PRKN: variants seen among roughly 807,000 people sequenced by gnomAD.
The protein encoded by PRKN is parkin RBR E3 ubiquitin protein ligase.
PRKN carries 56 observed loss-of-function variants against 59.5 expected under a neutral mutation model. The ratio of observed to expected loss-of-function variants is 0.94; its 90% CI spans 0.76 to 1.18. The LOEUF is 1.18. Ranked by LOEUF, PRKN falls within the 50% of genes most tolerant of loss-of-function variation. The pLI, the probability that PRKN is intolerant of heterozygous loss-of-function variation, is 0.00. For synonymous variants in PRKN, 250 were observed against 222.1 expected (o/e 1.13, Z -1.12); for missense variants, 657 against 596.4 (o/e 1.10, Z -1.06).
chr6:161,564,906 G>T (rs772643357), intron 8 of PRKN, among the ~76,000 whole-genome samples: 1 of 152,162 alleles, frequency 6.6e-6, no homozygotes, highest in East Asian at 1.9e-4. Flanking sequence ...CTCTGACCTC[G>T]TCGGTGCTGA....
rs1194992555 is a variant in PRKN at position 161,546,968 on chromosome 6, T to C, written c.1083+1886A>G. Among the ~76,000 whole-genome samples, 1 of 152,136 alleles carries C rather than the reference T, an allele frequency of 6.6e-6. No homozygotes were observed. The highest frequency in any genetic ancestry group is 2.4e-5 in the African/African-American group (1 of 41,424). ...GAATGAGCTACCTTGGAAGTAGATC[T>C]TCCAGCCCCAGTTAAGCCTCCAGAT... On this transcript the variant is annotated intron_variant, in intron 9 of 11. Coordinates refer to ENST00000366898, the MANE Select transcript of PRKN (RefSeq NM_004562.3). This position sits in a 1 kb window ranked among gnomAD's most constrained non-coding sequence, Gnocchi z 4.4.
intron 7 of PRKN, among the ~76,000 whole-genome samples, chr6:161,604,390 T>C (rs1782204634): frequency 6.6e-6 from 1 of 152,200 alleles, no homozygotes; most frequent in Non-Finnish European, 1.5e-5. Flanking sequence ...GATGGCATTC[T>C]TTACACAACA....
intron 2 of PRKN, among the ~76,000 whole-genome samples, chr6:162,399,612 CT>C (rs1283817481): frequency 6.6e-6 from 1 of 151,854 alleles, no homozygotes; most frequent in Non-Finnish European, 1.5e-5. Flanking sequence ...TATTTATAGA[CT>C]AAGAAATCTC....
At chr6:162,433,995 T>G (rs1789656767) in intron 2 of PRKN, among the ~76,000 whole-genome samples, 1 of 152,150 alleles carries the variant, frequency 6.6e-6, no homozygotes, top group Admixed American at 6.5e-5. Flanking sequence ...ATATTAAATC[T>G]TATCTGAGTG....
At chr6:162,492,812 G>A (rs566784078) in intron 1 of PRKN, among the ~76,000 whole-genome samples, 2 of 152,202 alleles carry the variant, frequency 1.3e-5, no homozygotes, top group South Asian at 4.1e-4. Context: ...AATTAGCCAG[G>A]TGTGGTGACA....
At chr6:162,604,234 A>G (rs1290432288) in intron 1 of PRKN, among the ~76,000 whole-genome samples, 1 of 152,142 alleles carries the variant, frequency 6.6e-6, no homozygotes, top group Non-Finnish European at 1.5e-5. Context: ...CTTAATTTCC[A>G]CCTCAAAAAG....
chr6:161,567,037 T>TTGTG lies in PRKN; in HGVS notation c.933+2314_933+2317dup, dbSNP rs1554277340. Among the ~76,000 whole-genome samples the TTGTG allele has an allele frequency of 3.2e-3, 329 of 103,762 alleles. 1 individual carries two copies. The highest frequency in any genetic ancestry group is 0.011 in the African/African-American group (275 of 25,370). 68.1% of individuals were successfully genotyped at this position (103,762 alleles called of 152,430 possible). On this transcript the variant is annotated intron_variant, in intron 8 of 11. Coordinates refer to ENST00000366898, the MANE Select transcript of PRKN (RefSeq NM_004562.3). Reference sequence around the variant, plus strand: ...CACTGTCCTTGTTTTTTTTTTTTTTTTGTGTGTGTGTGTGTGTGTGTGAGA... The same window carrying TTGTG: ...CACTGTCCTTGTTTTTTTTTTTTTTTTGTGTGTGTGTGTGTGTGTGTGTGTGAGA...
intron 9 of PRKN, among the ~76,000 whole-genome samples, chr6:161,535,941 A>G (rs1240873947): frequency 1.8e-5 from 2 of 113,356 alleles, no homozygotes; most frequent in Admixed American, 1.1e-4. Context: ...CCATTTAGCC[A>G]GAGAGGAACA....
rs1403400940 is a variant in PRKN, at chr6:161,550,747, G to GTGTT, written c.934-1745_934-1744insAACA. Reference sequence around the variant, plus strand: ...TATGTGTGTGTGTGCACGTGTGTGTGTGTGTGTGTGTGTGTAGGGAGTTGA... The same window carrying GTGTT: ...TATGTGTGTGTGTGCACGTGTGTGTGTGTTTGTGTGTGTGTGTGTAGGGAGTTGA... On this transcript the variant is annotated intron_variant, in intron 8 of 11. Transcript: ENST00000366898. This position sits in a 1 kb window ranked among gnomAD's most constrained non-coding sequence, Gnocchi z 4.0. Among the ~76,000 whole-genome samples, 13 of 151,794 alleles carry GTGTT rather than the reference G, an allele frequency of 8.6e-5. No individual in the cohort carries two copies. Among genetic ancestry groups the GTGTT allele is most frequent in the Middle Eastern group, 6.8e-3 (2 of 294 alleles).
At chr6:162,428,552 C>CCT (rs56719594) in intron 2 of PRKN, among the ~76,000 whole-genome samples, 24,381 of 152,088 alleles carry the variant, frequency 0.16, 2,231 homozygotes, top group East Asian at 0.42. Context: ...CTTCCACTCT[C>CCT]CTCTGTGCCT....
In PRKN at chr6:162,442,829, GC is replaced by G. The variant is rs578069702; in HGVS notation, c.171+480del. On this transcript the variant is annotated intron_variant, in intron 2 of 11. Transcript: ENST00000366898. ...AGTGCCCAAAGCTAGTTGCCAATGGGCCCCGGAGCCCACACCTCCTCTAGCG... is the reference window on the plus strand; with the variant it reads ...AGTGCCCAAAGCTAGTTGCCAATGGGCCCGGAGCCCACACCTCCTCTAGCG... 1.6e-4 allele frequency among the ~76,000 whole-genome samples: 24 copies of G among 152,222 alleles called. No individual in the cohort carries two copies. The South Asian group carries it at 3.1e-3, about 20-fold the overall frequency.
intron 2 of PRKN, among the ~76,000 whole-genome samples, chr6:162,436,710 CTTAGT>C (rs769326924): frequency 5.8e-5 from 7 of 120,984 alleles, no homozygotes; most frequent in Non-Finnish European, 1.2e-4. Flanking sequence ...TTTACTTTTG[CTTAGT>C]TTAAATATTT....
At position 161,352,755 on chromosome 6, in the gene PRKN, GTATA is replaced by G. The variant is rs1554251151; in HGVS notation, c.1286-2548_1286-2545del. On this transcript the variant is annotated intron_variant, in intron 11 of 11. Coordinates refer to ENST00000366898, the MANE Select transcript of PRKN (RefSeq NM_004562.3). The surrounding 1 kb of genome is among the most constrained non-coding windows in gnomAD (Gnocchi z 5.8). ...TGTGTGTGTGTGTGTGTGTGTGTGT[GTATA>G]TATATATATATATTTTATTTTATTT... Among the ~76,000 whole-genome samples the G allele has an allele frequency of 7.4e-6, 1 of 134,370 alleles. No individual in the cohort carries two copies. Among genetic ancestry groups the G allele is most frequent in the African/African-American group, 2.8e-5 (1 of 35,726 alleles). 88.2% of individuals were successfully genotyped at this position (134,370 alleles called of 152,430 possible). A position where few individuals can be genotyped will look rare whatever the true frequency, so the allele number is the denominator to read the frequency against.
chr6:161,940,184 C>G (rs1392506576), intron 6 of PRKN, among the ~76,000 whole-genome samples: 1 of 151,950 alleles, frequency 6.6e-6, no homozygotes, highest in East Asian at 1.9e-4. Context: ...GCGTGAGCCA[C>G]CACACCTGGC....
intron 1 of PRKN, among the ~76,000 whole-genome samples, chr6:162,621,504 G>A (rs1023376040): frequency 6.6e-6 from 1 of 152,142 alleles, no homozygotes; most frequent in Non-Finnish European, 1.5e-5. Flanking sequence ...AGTTCAGGTG[G>A]AAACAGCCAC....
intron 2 of PRKN, among the ~76,000 whole-genome samples, chr6:162,371,995 G>C (rs1306236203): frequency 6.6e-6 from 1 of 152,144 alleles, no homozygotes; most frequent in Admixed American, 6.5e-5. Context: ...AGTGCACAAA[G>C]CTCTTCAAGA....
chr6:162,133,365 T>G (rs987909695), intron 4 of PRKN, among the ~76,000 whole-genome samples: 1 of 152,198 alleles, frequency 6.6e-6, no homozygotes, highest in Non-Finnish European at 1.5e-5. Context: ...AGGAGTCAGA[T>G]AGGACTTGAA....
intron 7 of PRKN, among the ~76,000 whole-genome samples, chr6:161,732,367 T>A (rs1787752252): frequency 6.6e-6 from 1 of 152,104 alleles, no homozygotes; most frequent in South Asian, 2.1e-4. Context: ...GTACTTTTTC[T>A]GGTCCTCTCC....
intron 1 of PRKN, among the ~76,000 whole-genome samples, chr6:162,611,191 A>G (rs1782130925): frequency 6.6e-6 from 1 of 152,220 alleles, no homozygotes; most frequent in African/African-American, 2.4e-5. Context: ...AGAAAGAAAT[A>G]TTAAGGGAGG....
Sources: gnomAD v4.1 joint callset for allele counts (sites outside exome capture counted in the v4.1 genomes callset) on GRCh38, gnomAD v4.1.1 for gene constraint, Gnocchi (gnomAD v3.1) non-coding constraint, MANE v1.5 for transcripts, NCBI Gene and HGNC (gene_info 2026-07-23, HGNC 2026-07-21) for gene names.